Variants in RPS6KA5 observed in about 807,000 individuals in gnomAD.
RPS6KA5 encodes the protein ribosomal protein S6 kinase A5, also known as ribosomal protein S6 kinase alpha-5.
Under a neutral mutation model 85.5 loss-of-function variants are expected in RPS6KA5, and 27 were observed. The observed-to-expected ratio is 0.32, with a 90% CI of 0.23 to 0.44. The LOEUF is 0.44. Among genes scored for constraint, RPS6KA5 ranks in the 20% least tolerant of loss-of-function variants. The pLI is 1.00. For synonymous variants in RPS6KA5, 334 were observed against 348.2 expected (o/e 0.96, Z 0.46); for missense variants, 811 against 980.9 (o/e 0.83, Z 2.31).
rs114570795 is a variant in RPS6KA5 at position 91,027,000 on chromosome 14, G to A, written c.104-25841C>T. ...GTTGTTTGCTTGTTGAATTGTTTAA[G>A]TCCTTTATAGATTCTGGATATTAGG... is the stretch of plus-strand genomic sequence containing the variant. On this transcript the variant is annotated intron_variant, in intron 1 of 16. Coordinates refer to ENST00000614987, the MANE Select transcript of RPS6KA5 (RefSeq NM_004755.4). 8.9e-3 allele frequency among the ~76,000 whole-genome samples: 1,348 copies of A among 152,270 alleles called. 21 individuals carry two copies. Among genetic ancestry groups the A allele is most frequent in the African/African-American group, 0.031 (1,305 of 41,540 alleles).
In RPS6KA5 at chr14:90,863,742, C is replaced by T. The variant is rs1278585834; in HGVS notation, c.*8332G>A. On this transcript the variant is annotated 3_prime_UTR_variant, in exon 17 of 17. Coordinates refer to ENST00000614987, the MANE Select transcript of RPS6KA5 (RefSeq NM_004755.4). ...AACACTGGTGAGACAAATTAAATAC[C>T]TAAGTAAATAGAGGGATATACCATG... 6.6e-6 allele frequency: 1 copy of T among 152,000 alleles called. No homozygotes were observed. Among genetic ancestry groups the T allele is most frequent in the East Asian group, 1.9e-4 (1 of 5,198 alleles). 9.4% of individuals were successfully genotyped at this position (152,000 alleles called of 1,614,324 possible). A position where few individuals can be genotyped will look rare whatever the true frequency, so the allele number is the denominator to read the frequency against.
In RPS6KA5 at chr14:90,854,903, G is replaced by A. The variant is rs558369905; in HGVS notation, c.*17171C>T. On this transcript the variant is annotated 3_prime_UTR_variant, in exon 17 of 17. Transcript: ENST00000614987. ...TAAAAAGCACTGACTTTATTGTACT[G>A]CAATATAAATTCTTCACATAAAGAT... 6.6e-6 allele frequency: 1 copy of A among 152,176 alleles called. No individual in the cohort carries two copies. The highest frequency in any genetic ancestry group is 2.4e-5 in the African/African-American group (1 of 41,534). 9.4% of individuals were successfully genotyped at this position (152,176 alleles called of 1,614,324 possible).
At chr14:90,985,163 G>C (rs145643733) in intron 2 of RPS6KA5, among the ~76,000 whole-genome samples, 4 of 152,090 alleles carry the variant, frequency 2.6e-5, no homozygotes, top group Non-Finnish European at 5.9e-5. Flanking sequence ...GGCTGGTCTC[G>C]AACTACCTAC....
rs2034682166 is a variant in RPS6KA5 at position 90,893,756 on chromosome 14, T to C, written c.1644+657A>G. Among the ~76,000 whole-genome samples, 4 of 152,046 alleles carry C rather than the reference T, an allele frequency of 2.6e-5. No individual in the cohort carries two copies. The South Asian group carries it at 8.3e-4, about 32-fold the overall frequency. On this transcript the variant is annotated intron_variant, in intron 13 of 16. Transcript: ENST00000614987. ...TCGTTTTTCAATTTTCATTATTTTG[T>C]TGATTTTCTAAAAGGAGGGAATTTT...
intron 1 of RPS6KA5, among the ~76,000 whole-genome samples, chr14:91,021,958 G>C (rs991265268): frequency 1.3e-5 from 2 of 152,054 alleles, no homozygotes; most frequent in African/African-American, 4.8e-5. Flanking sequence ...TGCTACTGAG[G>C]TACCTTGCCT....
At chr14:91,050,374 T>C (rs1451792173) in intron 1 of RPS6KA5, among the ~76,000 whole-genome samples, 1 of 152,068 alleles carries the variant, frequency 6.6e-6, no homozygotes, top group Non-Finnish European at 1.5e-5. Context: ...GAAGACCTTA[T>C]CTTCAAAAAT....
chr14:90,940,482 A>G (rs779452581), intron 5 of RPS6KA5, among the ~76,000 whole-genome samples: 34 of 152,170 alleles, frequency 2.2e-4, no homozygotes, highest in Non-Finnish European at 4.6e-4. Flanking sequence ...TTACTGTATT[A>G]AGACCTAGCA....
At chr14:90,992,325 C>G (rs1156690250) in intron 2 of RPS6KA5, among the ~76,000 whole-genome samples, 1 of 152,146 alleles carries the variant, frequency 6.6e-6, no homozygotes, top group Non-Finnish European at 1.5e-5. Flanking sequence ...GTCTCCATGG[C>G]TGACAACTGA....
intron 5 of RPS6KA5, among the ~76,000 whole-genome samples, chr14:90,931,339 TCA>T (rs1266469986): frequency 1.3e-5 from 2 of 151,890 alleles, no homozygotes; most frequent in Admixed American, 6.6e-5. Flanking sequence ...GTAGTCAAAC[TCA>T]CAGAAATAGA....
chr14:90,950,974 G>T (rs561760682), intron 3 of RPS6KA5, among the ~76,000 whole-genome samples: 1 of 151,868 alleles, frequency 6.6e-6, no homozygotes, highest in South Asian at 2.1e-4. Flanking sequence ...TACAAAATTA[G>T]CCAGGCGTGG....
chr14:91,040,936 T>C (rs10150964), intron 1 of RPS6KA5, among the ~76,000 whole-genome samples: 110,118 of 152,114 alleles, frequency 0.72, 39,950 homozygotes, highest in East Asian at 0.87. Context: ...AGATGGAAGC[T>C]TGATCTTCCA....
chr14:90,875,369 G>T lies in RPS6KA5; in HGVS notation c.1837-9C>A. On this transcript the variant is annotated splice_polypyrimidine_tract_variant and intron_variant, in intron 14 of 16. Coordinates refer to ENST00000614987, the MANE Select transcript of RPS6KA5 (RefSeq NM_004755.4). ...CCTGACAACATTGTGTACTATCAGG[G>T]AAAAAGTAACAAAACAGAATGACTA... The T allele has an allele frequency of 6.2e-7, 1 of 1,606,328 alleles. No individual in the cohort carries two copies. The highest frequency in any genetic ancestry group is 1.1e-5 in the South Asian group (1 of 90,302).
In RPS6KA5 at chr14:91,060,614, C is replaced by T. The variant is rs916373782; in HGVS notation, c.-180G>A. The T allele has an allele frequency of 2.3e-5, 20 of 853,678 alleles. No individual in the cohort carries two copies. The highest frequency in any genetic ancestry group is 8.8e-5 in the African/African-American group (5 of 56,592). 52.9% of individuals were successfully genotyped at this position (853,678 alleles called of 1,614,324 possible). On this transcript the variant is annotated 5_prime_UTR_variant, in exon 1 of 17. Coordinates refer to ENST00000614987, the MANE Select transcript of RPS6KA5 (RefSeq NM_004755.4). ...CGCACGGCTCGCTCCTCGCCTCCTC[C>T]CCCTTCGGCGGGCACCGCTAGTACC...
chr14:91,024,073 C>T (rs2093309809), intron 1 of RPS6KA5, among the ~76,000 whole-genome samples: 1 of 152,164 alleles, frequency 6.6e-6, no homozygotes, highest in Non-Finnish European at 1.5e-5. Context: ...TTTTCTCTGA[C>T]ATTTTTTCTT....
chr14:91,038,557 G>T (rs967103367), intron 1 of RPS6KA5, among the ~76,000 whole-genome samples: 14 of 152,150 alleles, frequency 9.2e-5, no homozygotes, highest in Admixed American at 7.2e-4. Flanking sequence ...GTACACACTG[G>T]CCCAGAATTG....
intron 5 of RPS6KA5, among the ~76,000 whole-genome samples, chr14:90,935,866 TA>T (rs1309669689): frequency 6.6e-6 from 1 of 152,248 alleles, no homozygotes; most frequent in Non-Finnish European, 1.5e-5. Flanking sequence ...GCATATACCA[TA>T]TTTAAGCATA....
Position 90,871,005 on chromosome 14 carries a change from G to A in RPS6KA5, c.*1069C>T, listed in dbSNP as rs935839621. 6.6e-6 allele frequency: 1 copy of A among 152,386 alleles called. No homozygotes were observed. Among genetic ancestry groups the A allele is most frequent in the African/African-American group, 2.4e-5 (1 of 41,386 alleles). The allele number at this position is 152,386 out of a possible 1,614,324, so 9.4% of individuals were successfully genotyped here. A position where few individuals can be genotyped will look rare whatever the true frequency, so the allele number is the denominator to read the frequency against. On this transcript the variant is annotated 3_prime_UTR_variant, in exon 17 of 17. Coordinates refer to ENST00000614987, the MANE Select transcript of RPS6KA5 (RefSeq NM_004755.4). Reference sequence around the variant, plus strand: ...ATTTAACAGAAAAATTTCCAAACAAGTCATAGGTATGATTCTAAAATATTA... The same window carrying A: ...ATTTAACAGAAAAATTTCCAAACAAATCATAGGTATGATTCTAAAATATTA...
chr14:90,872,359 A>G (rs370723998), intron 16 of RPS6KA5, 37 bp from the exon 17 acceptor site: 8 of 1,571,084 alleles, frequency 5.1e-6, no homozygotes, highest in South Asian at 2.4e-5. Flanking sequence ...TGTGAAGGTA[A>G]AAGTACTGAA....
intron 1 of RPS6KA5, among the ~76,000 whole-genome samples, chr14:91,022,690 G>C (rs1395690674): frequency 2.0e-5 from 3 of 152,228 alleles, no homozygotes; most frequent in African/African-American, 7.2e-5. Flanking sequence ...ATGACTTCAA[G>C]TGAAATTGAA....
Sources: allele counts gnomAD v4.1 joint callset (sites outside exome capture counted in the v4.1 genomes callset), GRCh38; gene constraint gnomAD v4.1.1; transcripts MANE v1.5; gene names NCBI Gene and HGNC (gene_info 2026-07-23, HGNC 2026-07-21).